The following ATF5 variants were observed in gnomAD, a reference collection of about 807,000 sequenced individuals.
ATF5 encodes the protein activating transcription factor 5.
Under a neutral mutation model 4.6 loss-of-function variants are expected in ATF5, and 6 were observed. That is an observed-to-expected ratio of 1.31 (90% CI 0.72 to 2.59). The LOEUF (loss-of-function observed/expected upper bound fraction) is 2.59. Among genes scored for constraint, ATF5 ranks in the 30% most tolerant of loss-of-function variants. ATF5 has a pLI of 0.00. For missense variants in ATF5, 410 were observed against 368.7 expected, an observed-to-expected ratio of 1.11 and a Z score of -0.92; for synonymous variants, 193 against 165.0, an observed-to-expected ratio of 1.17 and a Z score of -1.30.
intron 2 of ATF5, among the ~76,000 whole-genome samples, chr19:49,931,589 G>T (rs2076064460): frequency 6.6e-6 from 1 of 152,096 alleles, no homozygotes; most frequent in Non-Finnish European, 1.5e-5. Flanking sequence ...CTAGGCTGCA[G>T]TGAGCCAAGA....
rs374547749 is a variant in ATF5 at position 49,932,766 on chromosome 19, G to A, written c.523G>A (p.Val175Met). The A allele has an allele frequency of 1.2e-6, 2 of 1,607,594 alleles. No homozygotes were observed. The highest frequency in any genetic ancestry group is 1.7e-6 in the Non-Finnish European group (2 of 1,177,262). Residue 175 changes from valine (V) to methionine (M), a missense_variant, in exon 3 of 3, where the codon GTG becomes ATG. Physicochemically the swap from Val to Met is conservative, Grantham distance 21. Coordinates refer to ENST00000423777, the MANE Select transcript of ATF5 (RefSeq NM_001193646.2). Reference sequence around the variant, plus strand: ...CCGCAACGAGGCCGGGCAGGAGGAAGTGGGGATGCCGCCTCTGCCCCCGCC... The same window carrying A: ...CCGCAACGAGGCCGGGCAGGAGGAAATGGGGATGCCGCCTCTGCCCCCGCC... ...YCRNEAGQEE[V>M]GMPPLPPPQQ...
At position 49,931,011 on chromosome 19, in the gene ATF5, G is replaced by T; in HGVS notation, c.161G>T (p.Gly54Val). 6.4e-7 allele frequency: 1 copy of T among 1,552,088 alleles called. No homozygotes were observed. Among genetic ancestry groups the T allele is most frequent in the South Asian group, 1.2e-5 (1 of 84,158 alleles). The change falls in exon 2 of 3, where the codon GGG (glycine) becomes GTG (valine). Residue 54 changes from glycine (G) to valine (V), a missense_variant. Transcript: ENST00000423777. The stretch of plus-strand genomic sequence containing the variant: ...GCCCTGGAGGGCGGGCTTCCAGTGG[G>T]GGGAGAGCCCCTGGCAGGTAAGGGC... Reference protein sequence around the residue: ...GGALEGGLPVGGEPLAGDGFS... With the variant: ...GGALEGGLPVVGEPLAGDGFS...
At position 49,933,405 on chromosome 19, in the gene ATF5, A is replaced by G. The variant is rs1305713902; in HGVS notation, c.*313A>G. 4 of 272,544 alleles carry G rather than the reference A, an allele frequency of 1.5e-5. No individual in the cohort carries two copies. Among genetic ancestry groups the G allele is most frequent in the African/African-American group, 4.4e-5 (2 of 45,502 alleles). The allele number at this position is 272,544 out of a possible 1,614,324, so 16.9% of individuals were successfully genotyped here. A position where few individuals can be genotyped will look rare whatever the true frequency, so the allele number is the denominator to read the frequency against. Reference sequence around the variant, plus strand: ...TATCACCTCTCTTGCGTATTTCTGGATCTCCTTCCCTCCTTTCTCGTCCAA... The same window carrying G: ...TATCACCTCTCTTGCGTATTTCTGGGTCTCCTTCCCTCCTTTCTCGTCCAA... On this transcript the variant is annotated 3_prime_UTR_variant, in exon 3 of 3. Coordinates refer to ENST00000423777, the MANE Select transcript of ATF5 (RefSeq NM_001193646.2).
In ATF5 at chr19:49,931,020, C is replaced by A; in HGVS notation, c.170C>A (p.Pro57His). 1.3e-6 allele frequency: 2 copies of A among 1,541,202 alleles called. No individual in the cohort carries two copies. The highest frequency in any genetic ancestry group is 1.8e-6 in the Non-Finnish European group (2 of 1,140,998). The change falls in exon 2 of 3, where the codon CCC becomes CAC. Residue 57 changes from proline to histidine, a missense_variant. Pro to His is a moderately conservative substitution (Grantham distance 77). Coordinates refer to ENST00000423777, the MANE Select transcript of ATF5 (RefSeq NM_001193646.2). ...LEGGLPVGGE[P>H]LAGDGFSDWM... The stretch of plus-strand genomic sequence containing the variant: ...GGCGGGCTTCCAGTGGGGGGAGAGC[C>A]CCTGGCAGGTAAGGGCAGGTGGAAG...
At position 49,932,905 on chromosome 19, in the gene ATF5, C is replaced by A; in HGVS notation, c.662C>A (p.Ala221Glu). 1 of 1,613,664 alleles carries A rather than the reference C, an allele frequency of 6.2e-7. No homozygotes were observed. Among genetic ancestry groups the A allele is most frequent in the Non-Finnish European group, 8.5e-7 (1 of 1,179,792 alleles). ...KQKKRDQNKS[A>E]ALRYRQRKRA... is the part of the protein sequence containing the mutation. ...AAGAAGAGAGACCAGAACAAGTCGG[C>A]GGCTCTGAGGTACCGCCAGCGGAAG... Residue 221 changes from alanine to glutamate, a missense_variant, in exon 3 of 3, where the codon GCG (alanine) becomes GAG (glutamate). Ala to Glu is a moderately radical substitution (Grantham distance 107). Transcript: ENST00000423777.
chr19:49,930,780 C>G lies in ATF5; in HGVS notation c.-71C>G. The stretch of plus-strand genomic sequence containing the variant: ...CTGTCTTCGCCCACCTGAGCATCCT[C>G]CAGAGCCTCGTGCCAGCTGCTGGTG... On this transcript the variant is annotated 5_prime_UTR_variant, in exon 2 of 3. Transcript: ENST00000423777. 1.4e-6 allele frequency: 2 copies of G among 1,384,492 alleles called. No homozygotes were observed. Among genetic ancestry groups the G allele is most frequent in the Non-Finnish European group, 1.9e-6 (2 of 1,034,608 alleles). 85.8% of individuals were successfully genotyped at this position (1,384,492 alleles called of 1,614,324 possible).
Position 49,932,641 on chromosome 19 carries a change from CACCA to C in ATF5, c.399_402del (p.Pro134TyrfsTer89). On this transcript the variant is annotated frameshift_variant, in exon 3 of 3. Coordinates refer to ENST00000423777, the MANE Select transcript of ATF5 (RefSeq NM_001193646.2). LOFTEE classifies it low-confidence loss of function (END_TRUNC). ...CCCTCCCCGCCGCCACTACCACCACCACCACTACCACCAGCCCCCTCCCTCCCCC... is the reference window on the plus strand; with the variant it reads ...CCCTCCCCGCCGCCACTACCACCACCCTACCACCAGCCCCCTCCCTCCCCC... 2 of 1,540,034 alleles carry C rather than the reference CACCA, an allele frequency of 1.3e-6. No individual in the cohort carries two copies. The highest frequency in any genetic ancestry group is 1.8e-6 in the Non-Finnish European group (2 of 1,139,470).
intron 1 of ATF5, chr19:49,930,342 T>C (rs987890815): frequency 6.6e-6 from 1 of 152,314 alleles, no homozygotes; most frequent in Non-Finnish European, 1.5e-5. Context: ...GGAAATATTT[T>C]AGAGGAAGGG....
In ATF5 at chr19:49,932,165, C is replaced by T. The variant is rs1152228; in HGVS notation, c.179-257C>T. Among the ~76,000 whole-genome samples the T allele has an allele frequency of 3.3e-3, 493 of 151,288 alleles. 4 individuals are homozygous for T. The highest frequency in any genetic ancestry group is 0.011 in the African/African-American group (456 of 41,154). The stretch of plus-strand genomic sequence containing the variant: ...TTGACCGATTCCCTGATTGATTGGT[C>T]GACTAGTTCATTGGTTGGTTGGTTG... On this transcript the variant is annotated intron_variant, in intron 2 of 2. Transcript: ENST00000423777.
Position 49,932,742 on chromosome 19 carries a change from C to CG in ATF5, c.500dup (p.Asn168GlnfsTer67). 1 of 1,609,630 alleles carries CG rather than the reference C, an allele frequency of 6.2e-7. No individual in the cohort carries two copies. The highest frequency in any genetic ancestry group is 8.5e-7 in the Non-Finnish European group (1 of 1,178,438). Reference sequence around the variant, plus strand: ...TCTGGACTTGCTGGCCATCTACTGCCGCAACGAGGCCGGGCAGGAGGAAGT... The same window carrying CG: ...TCTGGACTTGCTGGCCATCTACTGCCGGCAACGAGGCCGGGCAGGAGGAAGT... On this transcript the variant is annotated frameshift_variant, in exon 3 of 3. Transcript: ENST00000423777. LOFTEE classifies it low-confidence loss of function (END_TRUNC).
Position 49,931,041 on chromosome 19 carries a change from G to A in ATF5, c.178+13G>A. On this transcript the variant is annotated intron_variant, in intron 2 of 2. Transcript: ENST00000423777. ...GAGCCCCTGGCAGGTAAGGGCAGGT[G>A]GAAGGTGGAGCTGGGGAGTGGAGGG... 6.6e-7 allele frequency: 1 copy of A among 1,513,130 alleles called. No individual in the cohort carries two copies. The highest frequency in any genetic ancestry group is 8.9e-7 in the Non-Finnish European group (1 of 1,125,604). The allele number at this position is 1,513,130 out of a possible 1,614,324, so 93.7% of individuals were successfully genotyped here.
At position 49,933,921 on chromosome 19, in the gene ATF5, A is replaced by G. The variant is rs1278461267; in HGVS notation, c.*829A>G. 1 of 152,636 alleles carries G rather than the reference A, an allele frequency of 6.6e-6. No homozygotes were observed. Among genetic ancestry groups the G allele is most frequent in the African/African-American group, 2.4e-5 (1 of 41,412 alleles). The allele number at this position is 152,636 out of a possible 1,614,324, so 9.5% of individuals were successfully genotyped here. A position where few individuals can be genotyped will look rare whatever the true frequency, so the allele number is the denominator to read the frequency against. ...GGAGGTTATGAGCAAAAATAAAACG[A>G]AACATTTCCTCTGGCTTGTGCATCT... On this transcript the variant is annotated 3_prime_UTR_variant, in exon 3 of 3. Transcript: ENST00000423777.
At chr19:49,929,197 G>T, upstream of ATF5, 1 of 152,216 alleles carries the variant, frequency 6.6e-6, no homozygotes. Flanking sequence ...AGTCCCCGGG[G>T]CCGCCTCATT....
Position 49,931,154 on chromosome 19 carries a change from A to C in ATF5, c.178+126A>C, listed in dbSNP as rs1191827117. ...GTGCCAGGCACTGTTTTAGGTGCTG[A>C]GGATACGGCTGGGAACAAGAAGAAC... On this transcript the variant is annotated intron_variant, in intron 2 of 2. Transcript: ENST00000423777. The C allele has an allele frequency of 3.5e-6, 3 of 854,210 alleles. No homozygotes were observed. In the African/African-American group the frequency reaches 5.2e-5, roughly 15 times the overall value. The allele number at this position is 854,210 out of a possible 1,614,324, so 52.9% of individuals were successfully genotyped here.
chr19:49,933,294 C>CTTTTTTTTT lies in ATF5; in HGVS notation c.*203_*204insTTTTTTTTT. On this transcript the variant is annotated 3_prime_UTR_variant, in exon 3 of 3. Coordinates refer to ENST00000423777, the MANE Select transcript of ATF5 (RefSeq NM_001193646.2). ...TGGGCAACATAGTAAGACCCTGTCTCTATTAAAAAAAAAAAATCAACCCTT... is the reference window on the plus strand; with the variant it reads ...TGGGCAACATAGTAAGACCCTGTCTCTTTTTTTTTTATTAAAAAAAAAAAATCAACCCTT... The CTTTTTTTTT allele has an allele frequency of 2.1e-6, 1 of 468,568 alleles. No individual in the cohort carries two copies. 29.0% of individuals were successfully genotyped at this position (468,568 alleles called of 1,614,324 possible).
chr19:49,933,064 C>G lies in ATF5; in HGVS notation c.821C>G (p.Ala274Gly). Reference sequence around the variant, plus strand: ...GACCTGCTCATCGAGGTTTACAAGGCCCGGAGCCAGAGGACCCGTAGCTGC... The same window carrying G: ...GACCTGCTCATCGAGGTTTACAAGGGCCGGAGCCAGAGGACCCGTAGCTGC... ...VKDLLIEVYKARSQRTRSC is the reference protein window; with the variant it reads ...VKDLLIEVYKGRSQRTRSC Residue 274 changes from alanine to glycine, a missense_variant, in exon 3 of 3, where the codon GCC becomes GGC. Ala to Gly is a moderately conservative substitution (Grantham distance 60, BLOSUM62 0). Coordinates refer to ENST00000423777, the MANE Select transcript of ATF5 (RefSeq NM_001193646.2). 1 of 1,599,382 alleles carries G rather than the reference C, an allele frequency of 6.3e-7. No individual in the cohort carries two copies. Among genetic ancestry groups the G allele is most frequent in the African/African-American group, 1.3e-5 (1 of 74,728 alleles).
chr19:49,931,170 C>G (rs1600590301), intron 2 of ATF5, 142 bp downstream of exon 2: 3 of 704,818 alleles, frequency 4.3e-6, no homozygotes, highest in African/African-American at 1.8e-5. Context: ...CGGCTGGGAA[C>G]AAGAAGAACA....
Position 49,930,861 on chromosome 19 carries a change from TGGCGACCCTGG to T in ATF5, c.15_25del (p.Thr6GlyfsTer10), listed in dbSNP as rs745371743. The T allele has an allele frequency of 2.7e-5, 43 of 1,592,334 alleles. No homozygotes were observed. Among genetic ancestry groups the T allele is most frequent in the Non-Finnish European group, 3.5e-5 (41 of 1,167,772 alleles). On this transcript the variant is annotated frameshift_variant, in exon 2 of 3. Transcript: ENST00000423777. LOFTEE classifies it high-confidence loss of function. ...ACCTGTGCTACAGCCATGTCACTCC[TGGCGACCCTGG>T]GGCTGGAGCTGGACAGGGCCCTGCT...
At chr19:49,930,216 A>T (rs1043873193) in intron 1 of ATF5, 2 of 152,056 alleles carry the variant, frequency 1.3e-5, no homozygotes, top group African/African-American at 2.4e-5. Flanking sequence ...TTGGAGGGGC[A>T]GCGGCAGAGC....
Sources: allele counts gnomAD v4.1 joint callset (sites outside exome capture counted in the v4.1 genomes callset), GRCh38; gene constraint gnomAD v4.1.1; transcripts MANE v1.5; gene names NCBI Gene and HGNC (gene_info 2026-07-23, HGNC 2026-07-21).